The following ENPP2 variants were observed in gnomAD, a reference collection of about 807,000 sequenced individuals.
ENPP2 encodes the protein autotaxin.
Under a neutral mutation model 120.2 loss-of-function variants are expected in ENPP2, and 51 were observed. The ratio of observed to expected loss-of-function variants is 0.42; its 90% confidence interval spans 0.34 to 0.54. The LOEUF (loss-of-function observed/expected upper bound fraction) is 0.54. ENPP2 is among the 20% of genes least tolerant of loss of function. The pLI, the probability that ENPP2 is intolerant of heterozygous loss-of-function variation, is 0.04. For synonymous variants in ENPP2, 365 were observed against 366.4 expected, an observed-to-expected ratio of 1.00 and a Z score of 0.04; for missense variants, 920 against 1,066.5, an observed-to-expected ratio of 0.86 and a Z score of 1.91.
chr8:119,586,097 C>CATCTT, intron 15 of ENPP2, 89 bp downstream of exon 15: 1 of 1,381,952 alleles, frequency 7.2e-7, no homozygotes, highest in South Asian at 1.3e-5. Context: ...ATATTTCTTT[C>CATCTT]AGTGATGACT....
chr8:119,613,769 T>C (rs1384044087), intron 8 of ENPP2, among the ~76,000 whole-genome samples: 4 of 152,166 alleles, frequency 2.6e-5, no homozygotes, highest in Non-Finnish European at 1.5e-5. Context: ...TAATTGTGCA[T>C]ATTTATGGGA....
chr8:119,629,292 T>C (rs1197507240), intron 2 of ENPP2, among the ~76,000 whole-genome samples: 1 of 152,180 alleles, frequency 6.6e-6, no homozygotes, highest in Non-Finnish European at 1.5e-5. Context: ...ATACCATATA[T>C]GTAAATATCC....
chr8:119,650,347 C>T (rs1817592541), intron 1 of ENPP2, among the ~76,000 whole-genome samples: 1 of 152,058 alleles, frequency 6.6e-6, no homozygotes, highest in South Asian at 2.1e-4. Flanking sequence ...TGACCGATAT[C>T]GGGTATGAGT....
intron 1 of ENPP2, among the ~76,000 whole-genome samples, chr8:119,646,058 T>C (rs2130862555): frequency 6.6e-6 from 1 of 151,488 alleles, no homozygotes; most frequent in African/African-American, 2.4e-5. Context: ...AGCCTCCGCC[T>C]CCTGGGTTCA....
chr8:119,629,467 T>C (rs1200089611), intron 2 of ENPP2, among the ~76,000 whole-genome samples: 1 of 152,194 alleles, frequency 6.6e-6, no homozygotes, highest in Non-Finnish European at 1.5e-5. Flanking sequence ...CCAAGCCATT[T>C]ATCTGAACAT....
Position 119,568,174 on chromosome 8 carries a change from C to A in ENPP2, c.2131+1G>T, listed in dbSNP as rs988184026. On this transcript the variant is annotated splice_donor_variant, in intron 22 of 24. Coordinates refer to ENST00000075322, the MANE Select transcript of ENPP2 (RefSeq NM_001040092.3). LOFTEE classifies it high-confidence loss of function. ...GTGTATTAGGTAAATATTGGACTTA[C>A]GTTTGAAAGCAGGATACATTGGAAC... The A allele has an allele frequency of 6.6e-7, 1 of 1,518,754 alleles. No homozygotes were observed. The highest frequency in any genetic ancestry group is 1.4e-5 in the African/African-American group (1 of 72,728). The allele number at this position is 1,518,754 out of a possible 1,614,324, so 94.1% of individuals were successfully genotyped here.
chr8:119,671,902 A>G (rs908427456), intron 1 of ENPP2, among the ~76,000 whole-genome samples: 7 of 152,220 alleles, frequency 4.6e-5, no homozygotes, highest in Non-Finnish European at 8.8e-5. Flanking sequence ...CAAAGGTCAG[A>G]AGGAAGCCCG....
chr8:119,593,389 G>A (rs1813674300), intron 12 of ENPP2, among the ~76,000 whole-genome samples: 1 of 152,098 alleles, frequency 6.6e-6, no homozygotes, highest in Non-Finnish European at 1.5e-5. Context: ...GGCTCGTTTT[G>A]GGGATGTGGC....
chr8:119,645,045 T>C (rs1416166532), intron 1 of ENPP2, among the ~76,000 whole-genome samples: 1 of 152,142 alleles, frequency 6.6e-6, no homozygotes, highest in Admixed American at 6.5e-5. Context: ...ACCCTAGGGT[T>C]GACGACTCCC....
intron 19 of ENPP2, among the ~76,000 whole-genome samples, chr8:119,574,295 C>T (rs1812183539): frequency 6.6e-6 from 1 of 151,806 alleles, no homozygotes; most frequent in Non-Finnish European, 1.5e-5. Context: ...TTGTTCTCGG[C>T]ACACATTGAG....
chr8:119,568,078 T>C (rs1486796723), intron 22 of ENPP2, 97 bp downstream of exon 22: 2 of 739,776 alleles, frequency 2.7e-6, no homozygotes, highest in African/African-American at 3.6e-5. Flanking sequence ...ATGAAAAGTA[T>C]TCTTATTAAA....
rs1035447902 is a variant in ENPP2 at position 119,584,039 on chromosome 8, C to T, written c.1378G>A (p.Asp460Asn). 2 of 1,606,486 alleles carry T rather than the reference C, an allele frequency of 1.2e-6. No individual in the cohort carries two copies. Among genetic ancestry groups the T allele is most frequent in the Non-Finnish European group, 1.7e-6 (2 of 1,173,854 alleles). ...RRWHVARKPL[D>N]VYKKPSGKCF... Reference sequence around the variant, plus strand: ...TTTCCTGATGGTTTCTTATAAACATCCAAAGGTTTCCTAAATTGAAACAAT... The same window carrying T: ...TTTCCTGATGGTTTCTTATAAACATTCAAAGGTTTCCTAAATTGAAACAAT... The change falls in exon 16 of 25, where the codon GAT becomes AAT. Residue 460 changes from aspartate to asparagine, a missense_variant. Asp to Asn is a conservative substitution (Grantham distance 23). Coordinates refer to ENST00000075322, the MANE Select transcript of ENPP2 (RefSeq NM_001040092.3).
At position 119,617,462 on chromosome 8, in the gene ENPP2, T is replaced by C. The variant is rs1193950277; in HGVS notation, c.577+4A>G. ...TAAGAACACAGAGTATGGAAATTAC[T>C]TACTTAGTTTTTCAATATTAGGCAT... is the stretch of plus-strand genomic sequence containing the variant. On this transcript the variant is annotated splice_donor_region_variant and intron_variant, in intron 6 of 24. Transcript: ENST00000075322. 6.3e-7 allele frequency: 1 copy of C among 1,577,246 alleles called. No individual in the cohort carries two copies. The highest frequency in any genetic ancestry group is 1.1e-5 in the South Asian group (1 of 89,734).
At chr8:119,658,784 GT>G (rs1281979650) in intron 1 of ENPP2, among the ~76,000 whole-genome samples, 3 of 152,082 alleles carry the variant, frequency 2.0e-5, no homozygotes, top group African/African-American at 7.2e-5. Flanking sequence ...CTCCCATTAA[GT>G]CCCCAAACCC....
chr8:119,566,412 C>T (rs1251937188), intron 22 of ENPP2, among the ~76,000 whole-genome samples: 1 of 152,208 alleles, frequency 6.6e-6, no homozygotes, highest in African/African-American at 2.4e-5. Context: ...CATACTGCTT[C>T]AATTGCTCTT....
chr8:119,580,215 T>C (rs1246260446), intron 18 of ENPP2, 48 bp from the exon 19 acceptor site: 1 of 1,485,056 alleles, frequency 6.7e-7, no homozygotes, highest in South Asian at 1.1e-5. Context: ...AAATCAGAAA[T>C]GTTCTTTCCC....
intron 8 of ENPP2, among the ~76,000 whole-genome samples, chr8:119,613,607 CTGG>C (rs1211980773): frequency 1.3e-5 from 2 of 152,014 alleles, no homozygotes; most frequent in Non-Finnish European, 2.9e-5. Flanking sequence ...TATTTTTTCA[CTGG>C]TGATTTTAAA....
At chr8:119,638,714 A>C in intron 1 of ENPP2, 34 bp downstream of exon 1, 2 of 1,294,818 alleles carry the variant, frequency 1.5e-6, no homozygotes, top group African/African-American at 1.5e-5. Flanking sequence ...TCTGAAGATC[A>C]AGCATGTCCC....
At chr8:119,632,186 C>T (rs1005990474) in intron 2 of ENPP2, among the ~76,000 whole-genome samples, 3 of 152,212 alleles carry the variant, frequency 2.0e-5, no homozygotes, top group African/African-American at 7.2e-5. Context: ...GATGTAAGCA[C>T]TTCAGATGTG....
Sources: gnomAD v4.1 joint callset for allele counts (sites outside exome capture counted in the v4.1 genomes callset) on GRCh38, gnomAD v4.1.1 for gene constraint, MANE v1.5 for transcripts, NCBI Gene and HGNC (gene_info 2026-07-23, HGNC 2026-07-21) for gene names.